Variants in CNTNAP3 observed in about 807,000 individuals in gnomAD.
CNTNAP3 encodes the protein contactin associated protein family member 3.
In CNTNAP3, 36 loss-of-function variants were observed where a neutral mutation model predicts 92.1. The observed-to-expected ratio is 0.39, with a 90% CI of 0.30 to 0.52. The LOEUF is 0.52. Among genes scored for constraint, CNTNAP3 ranks in the 20% least tolerant of loss-of-function variants. The probability of loss-of-function intolerance (pLI) is 0.76; values close to 1 mark genes in which losing one functional copy is unlikely to be tolerated. For missense variants in CNTNAP3, 534 were observed against 1,069.6 expected, an observed-to-expected ratio of 0.50 and a Z score of 6.98; for synonymous variants, 232 against 422.3, an observed-to-expected ratio of 0.55 and a Z score of 5.53.
intron 9 of CNTNAP3, 86 bp from the exon 10 acceptor site, chr9:39,150,063 C>T (rs1310274580): frequency 7.6e-6 from 7 of 925,260 alleles, no homozygotes; most frequent in South Asian, 3.5e-5. Flanking sequence ...CTGCTGCTCC[C>T]GCTTGTTTAT....
At chr9:39,089,722 TTTA>T (rs770746865) in intron 18 of CNTNAP3, among the ~76,000 whole-genome samples, 35 of 152,210 alleles carry the variant, frequency 2.3e-4, no homozygotes, top group Admixed American at 1.9e-3. Context: ...CTCACCAACA[TTTA>T]TTATTATCTT....
chr9:39,099,847 G>A (rs1826411666), intron 18 of CNTNAP3, 64 bp downstream of exon 18: 6 of 1,570,930 alleles, frequency 3.8e-6, no homozygotes, highest in East Asian at 2.3e-5. Context: ...AATGCCAGAA[G>A]CATTCTTCAT....
chr9:39,134,308 A>T (rs959646358), intron 12 of CNTNAP3, among the ~76,000 whole-genome samples: 1 of 152,194 alleles, frequency 6.6e-6, no homozygotes, highest in African/African-American at 2.4e-5. Context: ...TTTAAATTAA[A>T]TTATCACTCC....
At chr9:39,097,697 G>A (rs1017911748) in intron 18 of CNTNAP3, among the ~76,000 whole-genome samples, 5 of 145,660 alleles carry the variant, frequency 3.4e-5, no homozygotes, top group African/African-American at 5.0e-5. Context: ...GAAACCTCTG[G>A]CTTCTTGGCT....
intron 14 of CNTNAP3, among the ~76,000 whole-genome samples, chr9:39,116,418 G>T (rs1217504977): frequency 6.6e-6 from 1 of 151,940 alleles, no homozygotes; most frequent in African/African-American, 2.4e-5. Flanking sequence ...CAAAAGATTT[G>T]AAGGTCGCTG....
At chr9:39,089,878 A>T (rs907459604) in intron 18 of CNTNAP3, among the ~76,000 whole-genome samples, 8 of 152,116 alleles carry the variant, frequency 5.3e-5, no homozygotes, top group African/African-American at 1.9e-4. Context: ...TCTATTTATA[A>T]GCTTTACCTA....
At chr9:39,103,988 C>T (rs1826532287) in intron 15 of CNTNAP3, 74 bp from the exon 16 acceptor site, 1 of 1,501,178 alleles carries the variant, frequency 6.7e-7, no homozygotes, top group African/African-American at 1.4e-5. Context: ...TTGATACTTA[C>T]AGGATTATGA....
chr9:39,112,828 G>A (rs1175285784), intron 14 of CNTNAP3, among the ~76,000 whole-genome samples: 1 of 152,080 alleles, frequency 6.6e-6, no homozygotes, highest in East Asian at 1.9e-4. Context: ...AGTATGTCTT[G>A]ACAGCTAACA....
At chr9:39,120,408 C>T (rs562121093) in intron 13 of CNTNAP3, among the ~76,000 whole-genome samples, 26 of 152,294 alleles carry the variant, frequency 1.7e-4, no homozygotes, top group African/African-American at 6.0e-4. Context: ...GGTGCGGTGG[C>T]TCACGCCTGT....
At chr9:39,120,127 C>T (rs1563884167) in intron 13 of CNTNAP3, among the ~76,000 whole-genome samples, 2 of 151,962 alleles carry the variant, frequency 1.3e-5, no homozygotes, top group African/African-American at 4.8e-5. Context: ...AGGATAAACC[C>T]AAAAATATCG....
intron 12 of CNTNAP3, among the ~76,000 whole-genome samples, chr9:39,136,300 C>T (rs1471371091): frequency 6.6e-6 from 1 of 151,734 alleles, no homozygotes; most frequent in Non-Finnish European, 1.5e-5. Flanking sequence ...ATATGAAATC[C>T]CCAGCATCTG....
At chr9:39,082,146 C>T (rs1323405556) in intron 21 of CNTNAP3, among the ~76,000 whole-genome samples, 4 of 151,206 alleles carry the variant, frequency 2.6e-5, no homozygotes, top group African/African-American at 9.7e-5. Flanking sequence ...AAAATTTAGT[C>T]CCTCAGTTAT....
At chr9:39,151,566 AAAAT>A (rs957449364) in intron 9 of CNTNAP3, among the ~76,000 whole-genome samples, 7 of 133,318 alleles carry the variant, frequency 5.3e-5, no homozygotes, top group South Asian at 2.7e-4. Flanking sequence ...CAAATAAAAA[AAAAT>A]AAATAAATAA....
intron 13 of CNTNAP3, among the ~76,000 whole-genome samples, chr9:39,124,724 A>C (rs1563885549): frequency 6.6e-6 from 1 of 152,144 alleles, no homozygotes; most frequent in Non-Finnish European, 1.5e-5. Flanking sequence ...TCTCAAAAGA[A>C]GACATTTATG....
At chr9:39,148,427 G>A (rs1414461794) in intron 10 of CNTNAP3, among the ~76,000 whole-genome samples, 3 of 152,008 alleles carry the variant, frequency 2.0e-5, no homozygotes, top group Non-Finnish European at 4.4e-5. Context: ...TTTAGCCAGA[G>A]AGGATAATTT....
At chr9:39,105,209 T>C (rs184377430) in intron 15 of CNTNAP3, among the ~76,000 whole-genome samples, 12 of 152,228 alleles carry the variant, frequency 7.9e-5, no homozygotes, top group South Asian at 4.1e-4. Flanking sequence ...GGGCGGATCA[T>C]GAAGTCAGGA....
intron 21 of CNTNAP3, among the ~76,000 whole-genome samples, chr9:39,080,616 A>G (rs1825910699): frequency 7.3e-6 from 1 of 137,902 alleles, no homozygotes; most frequent in Non-Finnish European, 1.6e-5. Flanking sequence ...TTTTACATTA[A>G]ATAATTGTAG....
chr9:39,137,481 C>T (rs906008419), intron 12 of CNTNAP3, among the ~76,000 whole-genome samples: 1 of 151,970 alleles, frequency 6.6e-6, no homozygotes, highest in African/African-American at 2.4e-5. Context: ...TTCCAATGTC[C>T]CTGCCATATC....
At chr9:39,129,707 G>T (rs1311852625) in intron 13 of CNTNAP3, among the ~76,000 whole-genome samples, 1 of 151,934 alleles carries the variant, frequency 6.6e-6, no homozygotes. Flanking sequence ...GCAACAGAGT[G>T]GGAAAAAATA....
Sources: gnomAD v4.1 joint callset for allele counts (sites outside exome capture counted in the v4.1 genomes callset) on GRCh38, gnomAD v4.1.1 for gene constraint, MANE v1.5 for transcripts, NCBI Gene and HGNC (gene_info 2026-07-23, HGNC 2026-07-21) for gene names.